CEP112: variants seen among roughly 807,000 people sequenced by gnomAD.
CEP112 encodes centrosomal protein 112, also known as centrosomal protein of 112 kDa.
In CEP112, 127 loss-of-function variants were observed where a neutral mutation model predicts 153.0. The observed-to-expected ratio is 0.83, with a 90% CI of 0.72 to 0.96. The LOEUF is 0.96. Ranked by LOEUF, CEP112 falls within the 40% of genes least tolerant of loss-of-function variation. CEP112 has a pLI of 0.00. For missense variants in CEP112, 1,089 were observed against 1,101.2 expected (o/e 0.99, Z 0.16); for synonymous variants, 358 against 374.4 (o/e 0.96, Z 0.51).
At chr17:65,835,093 C>A (rs563384261) in intron 21 of CEP112, among the ~76,000 whole-genome samples, 108 of 150,460 alleles carry the variant, frequency 7.2e-4, no homozygotes, top group Non-Finnish European at 1.2e-3. Flanking sequence ...AACACAGGAA[C>A]AGAAAACCAA....
rs575352131 is a variant in CEP112, at chr17:66,027,689, G to C, written c.1597-129C>G. 165 of 653,646 alleles carry C rather than the reference G, an allele frequency of 2.5e-4. 2 individuals are homozygous for C. In the South Asian group the frequency reaches 3.8e-3, roughly 15 times the overall value. 40.5% of individuals were successfully genotyped at this position (653,646 alleles called of 1,614,324 possible). The stretch of plus-strand genomic sequence containing the variant: ...AGTTCAGAGTTTTGCATATGATTAA[G>C]TAAGCCCTACAGGTAGAAATTGGAG... On this transcript the variant is annotated intron_variant, in intron 15 of 26. Coordinates refer to ENST00000535342, the MANE Select transcript of CEP112 (RefSeq NM_001199165.4).
intron 12 of CEP112, among the ~76,000 whole-genome samples, chr17:66,042,307 G>GC (rs1246705641): frequency 6.6e-6 from 1 of 152,090 alleles, no homozygotes; most frequent in Non-Finnish European, 1.5e-5. Context: ...CTGAGATTGT[G>GC]CAACTACACT....
At chr17:65,907,305 A>T (rs889019010) in intron 19 of CEP112, among the ~76,000 whole-genome samples, 1 of 152,222 alleles carries the variant, frequency 6.6e-6, no homozygotes, top group Non-Finnish European at 1.5e-5. Context: ...ATTCATTTTT[A>T]AAAATCAGGA....
At chr17:65,963,688 T>G (rs1599163269) in intron 17 of CEP112, among the ~76,000 whole-genome samples, 1 of 152,148 alleles carries the variant, frequency 6.6e-6, no homozygotes, top group East Asian at 1.9e-4. Context: ...TGTGTGTGTG[T>G]GTGTGTGTGT....
intron 17 of CEP112, among the ~76,000 whole-genome samples, chr17:65,974,559 T>C (rs1275320177): frequency 6.6e-6 from 1 of 152,184 alleles, no homozygotes; most frequent in Non-Finnish European, 1.5e-5. Context: ...CATTAGGTTA[T>C]TCATGACAGC....
At chr17:65,660,590 G>C (rs2046341011) in intron 24 of CEP112, among the ~76,000 whole-genome samples, 2 of 146,896 alleles carry the variant, frequency 1.4e-5, no homozygotes, top group African/African-American at 5.1e-5. Flanking sequence ...TGTTGCCCAG[G>C]TTGGACAGCA....
chr17:66,012,367 G>A (rs139683423), intron 16 of CEP112, among the ~76,000 whole-genome samples: 6 of 152,170 alleles, frequency 3.9e-5, no homozygotes, highest in Admixed American at 2.6e-4. Flanking sequence ...GGCTGTTAAC[G>A]GTCTATCCTT....
chr17:65,910,837 C>CAAG (rs143442432), intron 19 of CEP112, among the ~76,000 whole-genome samples: 8,067 of 151,964 alleles, frequency 0.053, 261 homozygotes, highest in Admixed American at 0.072. Flanking sequence ...CACTGTAGAC[C>CAAG]AAGAAAGATA....
At chr17:65,804,307 T>C (rs2055458745) in intron 21 of CEP112, 1 of 152,142 alleles carries the variant, frequency 6.6e-6, no homozygotes, top group African/African-American at 2.4e-5. Flanking sequence ...CTGTTTTGTA[T>C]TCTATGTCTA....
intron 4 of CEP112, among the ~76,000 whole-genome samples, chr17:66,147,195 C>T (rs949024487): frequency 2.6e-5 from 4 of 152,054 alleles, no homozygotes; most frequent in Non-Finnish European, 5.9e-5. Context: ...TAGCCATCCT[C>T]ATGGATGTAA....
At chr17:66,142,126 T>G (rs542875431) in intron 4 of CEP112, among the ~76,000 whole-genome samples, 1 of 152,328 alleles carries the variant, frequency 6.6e-6, no homozygotes, top group East Asian at 1.9e-4. Context: ...TTGCTGATGA[T>G]GCGTGATGTT....
chr17:65,750,253 A>G (rs2051739380), intron 22 of CEP112, among the ~76,000 whole-genome samples: 1 of 152,210 alleles, frequency 6.6e-6, no homozygotes, highest in Non-Finnish European at 1.5e-5. Context: ...TTTTGTTTGA[A>G]GAAGCCTTTG....
At chr17:66,169,419 G>A (rs2072148275) in intron 4 of CEP112, among the ~76,000 whole-genome samples, 1 of 151,824 alleles carries the variant, frequency 6.6e-6, no homozygotes. Context: ...GAGTAGCTGG[G>A]ACTACAGGCA....
chr17:65,976,209 C>G (rs1010282190), intron 17 of CEP112, among the ~76,000 whole-genome samples: 13 of 152,206 alleles, frequency 8.5e-5, no homozygotes, highest in African/African-American at 3.1e-4. Flanking sequence ...CTAGCTGTGA[C>G]CTGGTGAGCA....
chr17:65,760,537 G>A (rs528667507), intron 21 of CEP112, among the ~76,000 whole-genome samples: 1 of 152,142 alleles, frequency 6.6e-6, no homozygotes, highest in East Asian at 1.9e-4. Context: ...ACACAGATGC[G>A]ATTGATTACA....
chr17:65,952,566 C>A (rs372570699), intron 18 of CEP112, among the ~76,000 whole-genome samples: 1 of 152,056 alleles, frequency 6.6e-6, no homozygotes, highest in Non-Finnish European at 1.5e-5. Context: ...AACAAATCTG[C>A]TGTCAGTATT....
At chr17:65,875,661 A>G (rs1024505727) in intron 20 of CEP112, among the ~76,000 whole-genome samples, 3 of 152,018 alleles carry the variant, frequency 2.0e-5, no homozygotes, top group Non-Finnish European at 2.9e-5. Flanking sequence ...CTAAACTTTC[A>G]TTTTTCCAGA....
chr17:65,774,598 T>C (rs988847581), intron 21 of CEP112, among the ~76,000 whole-genome samples: 4 of 152,106 alleles, frequency 2.6e-5, no homozygotes, highest in Admixed American at 6.5e-5. Flanking sequence ...GCCAAAATAA[T>C]GTCCAACCAA....
At chr17:66,040,629 G>A (rs940641191) in intron 12 of CEP112, among the ~76,000 whole-genome samples, 2 of 151,372 alleles carry the variant, frequency 1.3e-5, no homozygotes, top group African/African-American at 4.9e-5. Flanking sequence ...CCGAGTAGCT[G>A]GCAGCATGTG....
Sources: allele counts gnomAD v4.1 joint callset (sites outside exome capture counted in the v4.1 genomes callset), GRCh38; gene constraint gnomAD v4.1.1; transcripts MANE v1.5; gene names NCBI Gene and HGNC (gene_info 2026-07-23, HGNC 2026-07-21).